CEP128: variants seen among roughly 807,000 people sequenced by gnomAD.
CEP128 encodes the protein centrosomal protein 128.
Under a neutral mutation model 156.7 loss-of-function variants are expected in CEP128, and 132 were observed. The ratio of observed to expected loss-of-function variants is 0.84; its 90% CI spans 0.73 to 0.97. The LOEUF is 0.97. Among genes scored for constraint, CEP128 ranks in the 50% least tolerant of loss-of-function variants. The probability of loss-of-function intolerance (pLI) is 0.00; values close to 1 mark genes in which losing one functional copy is unlikely to be tolerated. For missense variants in CEP128, 1,252 were observed against 1,281.9 expected (o/e 0.98, Z 0.36); for synonymous variants, 469 against 448.9 (o/e 1.04, Z -0.57).
At chr14:80,548,867 A>G (rs922439049) in intron 21 of CEP128, among the ~76,000 whole-genome samples, 1 of 152,186 alleles carries the variant, frequency 6.6e-6, no homozygotes, top group Admixed American at 6.5e-5. Context: ...CTATGTTATC[A>G]TGTTTATGAA....
chr14:80,916,338 C>A, intron 3 of CEP128, 63 bp downstream of exon 3: 1 of 1,343,734 alleles, frequency 7.4e-7, no homozygotes, highest in Non-Finnish European at 1.0e-6. Context: ...AATCCACTGA[C>A]TGAAACTATT....
chr14:80,941,120 A>T (rs1424227798), intron 1 of CEP128, among the ~76,000 whole-genome samples: 1 of 152,206 alleles, frequency 6.6e-6, no homozygotes, highest in Non-Finnish European at 1.5e-5. Flanking sequence ...CACGGGAAAG[A>T]GAGGTCACTA....
At chr14:80,507,511 G>A (rs1888035230) in intron 23 of CEP128, among the ~76,000 whole-genome samples, 1 of 152,162 alleles carries the variant, frequency 6.6e-6, no homozygotes, top group Non-Finnish European at 1.5e-5. Context: ...GGAGAAGAGG[G>A]TTATGATTTC....
chr14:80,707,144 A>AT (rs1897259212), intron 19 of CEP128, among the ~76,000 whole-genome samples: 1 of 152,152 alleles, frequency 6.6e-6, no homozygotes, highest in Non-Finnish European at 1.5e-5. Flanking sequence ...ATGGCAAGTG[A>AT]TTTTTAAAAT....
chr14:80,946,717 C>T (rs987350335), upstream of CEP128, among the ~76,000 whole-genome samples: 6 of 152,076 alleles, frequency 3.9e-5, no homozygotes, highest in African/African-American at 1.4e-4. Flanking sequence ...GAGGTAGTGC[C>T]GTTTCAAGGA....
chr14:80,625,642 G>C (rs775214807), intron 19 of CEP128, among the ~76,000 whole-genome samples: 4 of 151,938 alleles, frequency 2.6e-5, no homozygotes, highest in Non-Finnish European at 4.4e-5. Flanking sequence ...TCAGTGTTTT[G>C]TAGTTTTGTT....
At chr14:80,850,339 T>C (rs1227425299) in intron 9 of CEP128, among the ~76,000 whole-genome samples, 4 of 152,184 alleles carry the variant, frequency 2.6e-5, no homozygotes, top group Admixed American at 2.0e-4. Context: ...CTATAAATAA[T>C]TGTTTTTCAA....
chr14:80,622,546 C>T (rs1241721892), intron 19 of CEP128, among the ~76,000 whole-genome samples: 3 of 149,994 alleles, frequency 2.0e-5, no homozygotes, highest in Admixed American at 6.6e-5. Flanking sequence ...AGAAAATTTT[C>T]GCAACCTACT....
intron 19 of CEP128, among the ~76,000 whole-genome samples, chr14:80,656,330 T>TAA (rs1417871604): frequency 5.6e-5 from 1 of 17,796 alleles, no homozygotes; most frequent in Non-Finnish European, 1.0e-4. Context: ...TATATATATA[T>TAA]ATATATATAT....
intron 13 of CEP128, among the ~76,000 whole-genome samples, chr14:80,793,737 G>A (rs1375019353): frequency 2.0e-5 from 3 of 151,904 alleles, no homozygotes; most frequent in African/African-American, 7.3e-5. Flanking sequence ...ACTTTATTTT[G>A]AATATTTCTC....
At chr14:80,512,129 A>AT (rs1888288554) in intron 23 of CEP128, among the ~76,000 whole-genome samples, 2 of 151,710 alleles carry the variant, frequency 1.3e-5, no homozygotes, top group African/African-American at 4.8e-5. Context: ...TTCTTTGTTG[A>AT]TTTTCTATCT....
chr14:80,514,434 T>C (rs1888397156), intron 23 of CEP128, among the ~76,000 whole-genome samples: 2 of 152,144 alleles, frequency 1.3e-5, no homozygotes, highest in Non-Finnish European at 2.9e-5. Context: ...CTCCTCTGAC[T>C]GTATATTTTC....
intron 18 of CEP128, among the ~76,000 whole-genome samples, chr14:80,755,361 A>T (rs1185945493): frequency 6.6e-6 from 1 of 152,178 alleles, no homozygotes; most frequent in Non-Finnish European, 1.5e-5. Context: ...GTCCCACTGG[A>T]GAACCCTGAC....
At chr14:80,807,324 A>AAACATTTTATTTT (rs1884238426) in intron 13 of CEP128, among the ~76,000 whole-genome samples, 2 of 152,240 alleles carry the variant, frequency 1.3e-5, no homozygotes, top group Admixed American at 1.3e-4. Flanking sequence ...AAGTAAAATT[A>AAACATTTTATTTT]ACTATTAAAG....
At position 80,525,644 on chromosome 14, in the gene CEP128, A is replaced by G. The variant is rs1000602746; in HGVS notation, c.3072+1225T>C. On this transcript the variant is annotated intron_variant, in intron 23 of 24. Coordinates refer to ENST00000555265, the MANE Select transcript of CEP128 (RefSeq NM_152446.5). Reference sequence around the variant, plus strand: ...GGGAACTTAAAAATTGCCATACGAGACAAGGTCACCACTATAGTGAATATA... The same window carrying G: ...GGGAACTTAAAAATTGCCATACGAGGCAAGGTCACCACTATAGTGAATATA... 2.1e-4 allele frequency among the ~76,000 whole-genome samples: 32 copies of G among 152,216 alleles called. 1 individual carries two copies. Among genetic ancestry groups the G allele is most frequent in the Non-Finnish European group, 7.3e-5 (5 of 68,028 alleles).
intron 24 of CEP128, among the ~76,000 whole-genome samples, chr14:80,499,921 T>C (rs1887658329): frequency 6.6e-6 from 1 of 152,216 alleles, no homozygotes; most frequent in South Asian, 2.1e-4. Context: ...AATCCAAGTC[T>C]TCTAAAAGAG....
chr14:80,909,371 T>TCACACACACACACACACACA (rs36082524), intron 4 of CEP128, among the ~76,000 whole-genome samples: 79 of 142,426 alleles, frequency 5.5e-4, no homozygotes, highest in African/African-American at 2.1e-3. Flanking sequence ...AAGTGAATTT[T>TCACACACACACACACACACA]CACACACACA....
intron 19 of CEP128, among the ~76,000 whole-genome samples, chr14:80,620,493 AAAGAT>A (rs1893433110): frequency 6.6e-6 from 1 of 152,224 alleles, no homozygotes; most frequent in African/African-American, 2.4e-5. Flanking sequence ...ATAAAAAAGA[AAAGAT>A]AAGACAATTG....
chr14:80,542,830 T>C (rs1889824738), intron 21 of CEP128, among the ~76,000 whole-genome samples: 1 of 152,204 alleles, frequency 6.6e-6, no homozygotes, highest in East Asian at 1.9e-4. Context: ...GAGCTCTGAT[T>C]AGGAATGATC....
Sources: gnomAD v4.1 joint callset for allele counts (sites outside exome capture counted in the v4.1 genomes callset) on GRCh38, gnomAD v4.1.1 for gene constraint, MANE v1.5 for transcripts, NCBI Gene and HGNC (gene_info 2026-07-23, HGNC 2026-07-21) for gene names.